NRXN2: variants seen among roughly 807,000 people sequenced by gnomAD.
The protein encoded by NRXN2 is neurexin-2-beta.
A neutral mutation model predicts 128.8 loss-of-function variants in NRXN2; 29 were observed. That is an observed-to-expected ratio of 0.23 (90% CI 0.17 to 0.31). The LOEUF is 0.31. NRXN2 is among the 10% of genes least tolerant of loss of function. NRXN2 has a pLI of 1.00. For synonymous variants in NRXN2, 1,098 were observed against 1,075.2 expected, an observed-to-expected ratio of 1.02 and a Z score of -0.41; for missense variants, 1,881 against 2,452.6, an observed-to-expected ratio of 0.77 and a Z score of 4.92.
chr11:64,681,358 T>C (rs191062135), intron 6 of NRXN2, among the ~76,000 whole-genome samples: 4 of 151,474 alleles, frequency 2.6e-5, no homozygotes, highest in Admixed American at 2.6e-4. Flanking sequence ...CACCTAGAAG[T>C]ACAGATAAGG....
At chr11:64,712,332 C>A (rs1247164196) in intron 2 of NRXN2, among the ~76,000 whole-genome samples, 1 of 151,922 alleles carries the variant, frequency 6.6e-6, no homozygotes, top group Non-Finnish European at 1.5e-5. Flanking sequence ...TACTCATAGG[C>A]CCTCACGGTC....
chr11:64,685,856 G>C lies in NRXN2; in HGVS notation c.942C>G (p.Ile314Met). The change falls in exon 6 of 23, where the codon ATC becomes ATG. Residue 314 changes from isoleucine (I) to methionine (M), a missense_variant. By Grantham distance (10) the Ile-to-Met change is conservative. Transcript: ENST00000265459. ...HNPIQSSTDE[I>M]TLAFRTLQRN... Reference sequence around the variant, plus strand: ...GTTGCAGGGTGCGGAAGGCCAGTGTGATCTCATCAGTGCTGCTCTGGATGG... The same window carrying C: ...GTTGCAGGGTGCGGAAGGCCAGTGTCATCTCATCAGTGCTGCTCTGGATGG... 1 of 1,614,236 alleles carries C rather than the reference G, an allele frequency of 6.2e-7. No individual in the cohort carries two copies. Among genetic ancestry groups the C allele is most frequent in the Non-Finnish European group, 8.5e-7 (1 of 1,180,046 alleles).
chr11:64,683,084 C>G (rs1428243892), intron 6 of NRXN2, among the ~76,000 whole-genome samples: 1 of 152,174 alleles, frequency 6.6e-6, no homozygotes, highest in African/African-American at 2.4e-5. Context: ...AGGTCCTCCC[C>G]AGAAGGCCAT....
At chr11:64,707,796 T>G (rs755339726) in intron 2 of NRXN2, among the ~76,000 whole-genome samples, 4 of 152,108 alleles carry the variant, frequency 2.6e-5, no homozygotes, top group Non-Finnish European at 5.9e-5. Context: ...TTCCTCAATT[T>G]AATAGTCAAC....
intron 18 of NRXN2, among the ~76,000 whole-genome samples, chr11:64,634,905 C>T (rs1401407715): frequency 1.3e-5 from 2 of 152,166 alleles, no homozygotes; most frequent in East Asian, 1.9e-4. Flanking sequence ...GAGCAGGCAG[C>T]AGCCCAGGGG....
At chr11:64,656,897 G>A (rs11231848) in intron 11 of NRXN2, among the ~76,000 whole-genome samples, 34,366 of 152,146 alleles carry the variant, frequency 0.23, 4,142 homozygotes, top group East Asian at 0.48. Flanking sequence ...CTGGAAAGAG[G>A]CAGCAGTGCC....
chr11:64,635,206 G>A lies in NRXN2; in HGVS notation c.3585+65C>T. 6.3e-7 allele frequency: 1 copy of A among 1,576,750 alleles called. No individual in the cohort carries two copies. The highest frequency in any genetic ancestry group is 8.7e-7 in the Non-Finnish European group (1 of 1,149,098). On this transcript the variant is annotated intron_variant, in intron 18 of 22. Transcript: ENST00000265459. This position sits in a 1 kb window ranked among gnomAD's most constrained non-coding sequence, Gnocchi z 4.8. Reference sequence around the variant, plus strand: ...CTTGAGGTGCTGATCCCATGGCAATGAGGGGCTGAACTGATTTGGGAGCAG... The same window carrying A: ...CTTGAGGTGCTGATCCCATGGCAATAAGGGGCTGAACTGATTTGGGAGCAG...
At chr11:64,642,724 G>T in intron 17 of NRXN2, 1 of 1,446,432 alleles carries the variant, frequency 6.9e-7, no homozygotes, top group Non-Finnish European at 9.1e-7. Context: ...CGGCGGCGGC[G>T]GTGGAGGCGG....
Position 64,713,600 on chromosome 11 carries a change from C to A in NRXN2, c.100G>T (p.Gly34Cys). The A allele has an allele frequency of 7.5e-7, 1 of 1,329,750 alleles. No individual in the cohort carries two copies. Among genetic ancestry groups the A allele is most frequent in the Non-Finnish European group, 9.6e-7 (1 of 1,039,046 alleles). 82.4% of individuals were successfully genotyped at this position (1,329,750 alleles called of 1,614,324 possible). A position where few individuals can be genotyped will look rare whatever the true frequency, so the allele number is the denominator to read the frequency against. ...GCGTAGCGAGCCCACTGCCCGGGGCCGCCGCCGAACTCCAGGCCGTCCGCG... is the reference window on the plus strand; with the variant it reads ...GCGTAGCGAGCCCACTGCCCGGGGCAGCCGCCGAACTCCAGGCCGTCCGCG... ...ARADGLEFGG[G>C]PGQWARYARW... is the part of the protein sequence containing the mutation. The change falls in exon 2 of 23, where the codon GGC becomes TGC. Residue 34 changes from glycine (G) to cysteine (C), a missense_variant. Around this residue, in one of 7 missense-constraint regions of NRXN2, gnomAD observed 997 missense variants for 1,240.8 expected, o/e 0.80. Transcript: ENST00000265459.
intron 1 of NRXN2, among the ~76,000 whole-genome samples, chr11:64,718,147 G>C (rs906709179): frequency 6.6e-6 from 1 of 152,130 alleles, no homozygotes; most frequent in African/African-American, 2.4e-5. Flanking sequence ...CCTAGACCTG[G>C]GCCCTCCAAC....
At chr11:64,717,690 C>T (rs779089441) in intron 1 of NRXN2, among the ~76,000 whole-genome samples, 7 of 152,260 alleles carry the variant, frequency 4.6e-5, no homozygotes, top group Non-Finnish European at 1.0e-4. Context: ...TGGGCTCCGT[C>T]TGCATCAGAC....
chr11:64,613,393 G>A (rs2135280982), intron 22 of NRXN2, among the ~76,000 whole-genome samples: 1 of 152,320 alleles, frequency 6.6e-6, no homozygotes, highest in Admixed American at 6.5e-5. Context: ...TGCACCCCAG[G>A]GAACGCGTCC....
chr11:64,663,870 G>C (rs922500214), intron 9 of NRXN2, among the ~76,000 whole-genome samples: 6 of 152,164 alleles, frequency 3.9e-5, no homozygotes, highest in Non-Finnish European at 8.8e-5. Flanking sequence ...TAAAAAGGAA[G>C]GACATCCTGA....
In NRXN2 at chr11:64,653,708, C is replaced by A; in HGVS notation, c.2404G>T (p.Gly802Cys). Residue 802 changes from glycine (G) to cysteine (C), a missense_variant, in exon 12 of 23, where the codon GGC becomes TGC. By Grantham distance (159) the Gly-to-Cys change is radical. Coordinates refer to ENST00000265459, the MANE Select transcript of NRXN2 (RefSeq NM_015080.4). The stretch of plus-strand genomic sequence containing the variant: ...GGAAGCCACTTACTGGGTGCGCAGC[C>A]GACGCGCAGGCAGTCTGGGGGGGCC... ...LTVNLDCLRV[G>C]CAPSKGPETL... 6.3e-7 allele frequency: 1 copy of A among 1,596,156 alleles called. No individual in the cohort carries two copies.
chr11:64,712,868 G>T, intron 2 of NRXN2, 102 bp downstream of exon 2: 1 of 1,058,982 alleles, frequency 9.4e-7, no homozygotes, highest in Non-Finnish European at 1.4e-6. Context: ...CTCGTGCCCA[G>T]CCCCCGTGCC....
chr11:64,608,348 G>T (rs2040045017), intron 22 of NRXN2, among the ~76,000 whole-genome samples: 4 of 151,962 alleles, frequency 2.6e-5, no homozygotes, highest in Non-Finnish European at 5.9e-5. Flanking sequence ...AAATCAAAAG[G>T]AACAGAAAGG....
rs888769575 is a variant in NRXN2, at chr11:64,622,933, C to T, written c.3993G>A (p.Val1331=). 1.2e-6 allele frequency: 2 copies of T among 1,613,264 alleles called. No individual in the cohort carries two copies. Among genetic ancestry groups the T allele is most frequent in the African/African-American group, 2.7e-5 (2 of 74,942 alleles). ...LALAAESDPN[V]RTEGHLRLVG... ...CCAGGCGCAGGTGACCCTCAGTCCG[C>T]ACATTGGGGTCGCTCTCGGCGGCCA... is the stretch of plus-strand genomic sequence containing the variant. Residue 1331 remains valine, a synonymous_variant, in exon 21 of 23, where the codon GTG becomes GTA. Coordinates refer to ENST00000265459, the MANE Select transcript of NRXN2 (RefSeq NM_015080.4). The surrounding 1 kb of genome is among the most constrained non-coding windows in gnomAD (Gnocchi z 4.3).
At chr11:64,642,925 G>GT in intron 17 of NRXN2, 2 of 1,026,390 alleles carry the variant, frequency 1.9e-6, no homozygotes, top group Non-Finnish European at 2.3e-6. Context: ...TGAAGCGGAG[G>GT]TAAACCAGGG....
At chr11:64,640,087 T>C in intron 17 of NRXN2, among the ~76,000 whole-genome samples, 1 of 151,134 alleles carries the variant, frequency 6.6e-6, no homozygotes, top group African/African-American at 2.4e-5. Context: ...CCCACCCCCT[T>C]CTATCGCCAT....
Sources: allele counts gnomAD v4.1 joint callset (sites outside exome capture counted in the v4.1 genomes callset), GRCh38; gene constraint gnomAD v4.1.1; regional missense constraint gnomAD v4.1.1; non-coding constraint Gnocchi (gnomAD v3.1); transcripts MANE v1.5; gene names NCBI Gene and HGNC (gene_info 2026-07-23, HGNC 2026-07-21).